The following PDXDC1 variants were observed in gnomAD, a reference collection of about 807,000 sequenced individuals.
PDXDC1 encodes pyridoxal-dependent decarboxylase domain-containing protein 1.
In PDXDC1, 42 loss-of-function variants were observed where a neutral mutation model predicts 100.1. The ratio of observed to expected loss-of-function variants is 0.42; its 90% CI spans 0.33 to 0.54. The LOEUF is 0.54. Ranked by LOEUF, PDXDC1 falls within the 20% of genes least tolerant of loss-of-function variation. The probability of loss-of-function intolerance (pLI) is 0.10; values close to 1 mark genes in which losing one functional copy is unlikely to be tolerated. For synonymous variants in PDXDC1, 260 were observed against 371.7 expected (o/e 0.70, Z 3.46); for missense variants, 636 against 979.2 (o/e 0.65, Z 4.68).
At chr16:14,989,990 CG>C in intron 1 of PDXDC1, 1 of 1,461,806 alleles carries the variant, frequency 6.8e-7, no homozygotes. Flanking sequence ...CGGTGGCGCC[CG>C]GCTCACCCCA....
chr16:15,006,886 A>G (rs1307533558), intron 6 of PDXDC1, among the ~76,000 whole-genome samples: 1 of 152,278 alleles, frequency 6.6e-6, no homozygotes, highest in Non-Finnish European at 1.5e-5. Flanking sequence ...GGAATATATC[A>G]TTTTAATAAT....
At chr16:14,988,425 T>C (rs1969916198) in intron 1 of PDXDC1, 3 of 1,614,252 alleles carry the variant, frequency 1.9e-6, no homozygotes, top group Admixed American at 1.7e-5. Flanking sequence ...CATGTGCTCA[T>C]CATGGGCCAG....
intron 6 of PDXDC1, among the ~76,000 whole-genome samples, chr16:15,008,260 A>C (rs1597455987): frequency 6.6e-6 from 1 of 152,410 alleles, no homozygotes; most frequent in South Asian, 2.1e-4. Context: ...AAACATGAAG[A>C]ATATAAAATT....
intron 16 of PDXDC1, chr16:15,061,942 G>A (rs759906225): frequency 1.3e-6 from 2 of 1,572,674 alleles, no homozygotes; most frequent in Admixed American, 3.4e-5. Flanking sequence ...AACATCACCA[G>A]TGCTGACTGA....
intron 16 of PDXDC1, chr16:15,125,735 C>G: frequency 6.7e-7 from 1 of 1,483,504 alleles, no homozygotes; most frequent in African/African-American, 1.4e-5. Flanking sequence ...CTGTCCAGCA[C>G]GGACGAGTCC....
intron 16 of PDXDC1, chr16:15,065,362 C>A: frequency 6.2e-7 from 1 of 1,613,110 alleles, no homozygotes. Context: ...AGAAGACGAG[C>A]TGGTACTTAC....
chr16:15,055,364 G>A (rs1242021509), intron 16 of PDXDC1, among the ~76,000 whole-genome samples: 3 of 152,190 alleles, frequency 2.0e-5, no homozygotes, highest in East Asian at 3.8e-4. Context: ...AAAATAACTC[G>A]GCGCCCTACG....
rs1236124710 is a variant in PDXDC1 at position 15,135,811 on chromosome 16, C to T, written c.1400-3068C>T. On this transcript the variant is annotated intron_variant, in intron 16 of 16. Transcript: ENST00000535621. ...TGATGGGCACCAGGCGCTCAGGGGC[C>T]ACCGTCACATTGGCCTGGATGCTCC... The T allele has an allele frequency of 1.5e-5, 23 of 1,502,484 alleles. No individual in the cohort carries two copies. The Middle Eastern group carries it at 9.6e-4, about 63-fold the overall frequency. 93.1% of individuals were successfully genotyped at this position (1,502,484 alleles called of 1,614,324 possible). A position where few individuals can be genotyped will look rare whatever the true frequency, so the allele number is the denominator to read the frequency against.
intron 16 of PDXDC1, among the ~76,000 whole-genome samples, chr16:15,096,140 G>A (rs1298767184): frequency 2.0e-5 from 3 of 150,900 alleles, no homozygotes; most frequent in Non-Finnish European, 4.4e-5. Context: ...ACAGAGTCTC[G>A]CTCTGTCACC....
At chr16:15,102,304 T>G (rs2046583133) in intron 16 of PDXDC1, among the ~76,000 whole-genome samples, 1 of 151,928 alleles carries the variant, frequency 6.6e-6, no homozygotes, top group Non-Finnish European at 1.5e-5. Context: ...TGAGGAGGAT[T>G]TCATTATAAA....
At chr16:15,082,794 AT>A (rs1200682966) in intron 16 of PDXDC1, among the ~76,000 whole-genome samples, 1 of 152,196 alleles carries the variant, frequency 6.6e-6, no homozygotes, top group Non-Finnish European at 1.5e-5. Context: ...ACTATTAATT[AT>A]TAAAAACTGC....
chr16:14,975,211 C>A lies in PDXDC1; in HGVS notation c.12C>A (p.Ser4=), dbSNP rs1007186666. 55 of 1,430,258 alleles carry A rather than the reference C, an allele frequency of 3.8e-5. No homozygotes were observed. Among genetic ancestry groups the A allele is most frequent in the Admixed American group, 9.6e-5 (3 of 31,164 alleles). 88.6% of individuals were successfully genotyped at this position (1,430,258 alleles called of 1,614,324 possible). The stretch of plus-strand genomic sequence containing the variant: ...CGGCCGCCTCAGCCATGGACGCGTC[C>A]CTGGAGAAGGTCCGTGCCGGGAGGG... MDA[S]LEKIADPTLA... Residue 4 remains serine (S), a synonymous_variant, in exon 1 of 23, where the codon TCC becomes TCA. Coordinates refer to ENST00000396410, the MANE Select transcript of PDXDC1 (RefSeq NM_015027.4).
chr16:14,987,670 G>C (rs1421810209), intron 1 of PDXDC1, among the ~76,000 whole-genome samples: 2 of 152,284 alleles, frequency 1.3e-5, no homozygotes, highest in African/African-American at 4.8e-5. Context: ...GGAGTGCAGT[G>C]GCACCATCTC....
intron 16 of PDXDC1, chr16:15,055,741 C>A: frequency 2.5e-6 from 1 of 402,764 alleles, no homozygotes; most frequent in Non-Finnish European, 4.2e-6. Context: ...ACTCCCCGAC[C>A]CCTCAAGGGG....
intron 16 of PDXDC1, chr16:15,130,525 T>C (rs1451717291): frequency 7.5e-7 from 1 of 1,325,038 alleles, no homozygotes; most frequent in Non-Finnish European, 1.1e-6. Context: ...CCAGAGCCCA[T>C]ACCCGGTCCA....
intron 16 of PDXDC1, among the ~76,000 whole-genome samples, chr16:15,110,138 C>T (rs986865007): frequency 8.1e-5 from 12 of 148,076 alleles, no homozygotes; most frequent in Non-Finnish European, 1.5e-5. Context: ...CGAGCAAAGC[C>T]CCATCTCAGG....
chr16:15,019,142 C>G (rs1374542588), intron 12 of PDXDC1, among the ~76,000 whole-genome samples, 177 bp downstream of exon 12: 1 of 152,266 alleles, frequency 6.6e-6, no homozygotes, highest in African/African-American at 2.4e-5. Flanking sequence ...GGAGAAAGTG[C>G]TGGGTTGTCT....
In PDXDC1 at chr16:15,136,243, G is replaced by A. The variant is rs552394257; in HGVS notation, c.1400-2636G>A. The A allele has an allele frequency of 1.5e-3, 942 of 627,274 alleles. 5 individuals carry two copies. The African/African-American group carries it at 0.016, about 10-fold the overall frequency. 38.9% of individuals were successfully genotyped at this position (627,274 alleles called of 1,614,324 possible). The stretch of plus-strand genomic sequence containing the variant: ...GTCCCCCTTTCCAGATGGGGAAACT[G>A]AGGCTCAGAGCCTGGAGAGCAGGGC... On this transcript the variant is annotated intron_variant, in intron 16 of 16. Transcript: ENST00000535621.
At chr16:15,074,633 T>C in intron 16 of PDXDC1, 1 of 905,420 alleles carries the variant, frequency 1.1e-6, no homozygotes, top group Non-Finnish European at 1.6e-6. Flanking sequence ...ACAGGATTTT[T>C]AGTATTACTA....
Sources: gnomAD v4.1 joint callset for allele counts (sites outside exome capture counted in the v4.1 genomes callset) on GRCh38, gnomAD v4.1.1 for gene constraint, MANE v1.5 for transcripts, NCBI Gene and HGNC (gene_info 2026-07-23, HGNC 2026-07-21) for gene names.